The following PGAP4 variants were observed in gnomAD, a reference collection of about 807,000 sequenced individuals.
PGAP4 encodes the protein GPI-N-acetylgalactosamine transferase PGAP4.
Under a neutral mutation model 28.2 loss-of-function variants are expected in PGAP4, and 12 were observed. That is an observed-to-expected ratio of 0.42 (90% CI 0.27 to 0.69). The LOEUF (loss-of-function observed/expected upper bound fraction) is 0.69, where lower values mean the gene tolerates loss of function less well. Among genes scored for constraint, PGAP4 ranks in the 30% least tolerant of loss-of-function variants. PGAP4 has a pLI of 0.22. For missense variants in PGAP4, 425 were observed against 513.5 expected (o/e 0.83, Z 1.67); for synonymous variants, 205 against 211.8 (o/e 0.97, Z 0.28).
Position 101,473,344 on chromosome 9 carries a change from A to G in PGAP4, c.*2537T>C, listed in dbSNP as rs1826207943. ...TCCCTTGATATGGGAAGGATATCTT[A>G]GTTCTCCCTAGCCCCTTGCTTAGGA... On this transcript the variant is annotated 3_prime_UTR_variant, in exon 2 of 2. Coordinates refer to ENST00000374848, the MANE Select transcript of PGAP4 (RefSeq NM_032342.3). 1 of 152,216 alleles carries G rather than the reference A, an allele frequency of 6.6e-6. No homozygotes were observed. The highest frequency in any genetic ancestry group is 2.1e-4 in the South Asian group (1 of 4,838). The allele number at this position is 152,216 out of a possible 1,614,324, so 9.4% of individuals were successfully genotyped here.
At chr9:101,484,796 A>G (rs1198408994) in intron 1 of PGAP4, among the ~76,000 whole-genome samples, 1 of 152,216 alleles carries the variant, frequency 6.6e-6, no homozygotes, top group African/African-American at 2.4e-5. Flanking sequence ...CAGCTCAAGT[A>G]GACTAAGACC....
At chr9:101,496,431 C>G (rs932814942) in intron 2 of PGAP4, among the ~76,000 whole-genome samples, 11 of 151,332 alleles carry the variant, frequency 7.3e-5, no homozygotes, top group Non-Finnish European at 1.6e-4. Flanking sequence ...AAAATCAAAA[C>G]TTGTAATTTT....
chr9:101,500,371 A>T (rs75782991), intron 2 of PGAP4, among the ~76,000 whole-genome samples: 2 of 151,856 alleles, frequency 1.3e-5, no homozygotes, highest in African/African-American at 4.8e-5. Flanking sequence ...TCCTCGCATT[A>T]CTGTAACCTT....
At chr9:101,520,018 T>G (rs1826975800) in intron 2 of PGAP4, among the ~76,000 whole-genome samples, 1 of 152,192 alleles carries the variant, frequency 6.6e-6, no homozygotes, top group Non-Finnish European at 1.5e-5. Context: ...TTGTTGAAGA[T>G]AAGTTGACTG....
chr9:101,481,155 T>A (rs1929481), intron 1 of PGAP4, among the ~76,000 whole-genome samples: 21,103 of 152,192 alleles, frequency 0.14, 2,023 homozygotes, highest in African/African-American at 0.25. Context: ...TCCAGCCTGG[T>A]TGACAGAGAA....
chr9:101,533,659 G>A (rs1022369969), upstream of PGAP4: 1 of 152,284 alleles, frequency 6.6e-6, no homozygotes, highest in Admixed American at 6.5e-5. Context: ...CGAGGCCCGA[G>A]TACTCTTAGA....
At chr9:101,489,406 TA>T, upstream of PGAP4, among the ~76,000 whole-genome samples, 2 of 152,128 alleles carry the variant, frequency 1.3e-5, no homozygotes, top group South Asian at 4.2e-4. Context: ...TGGGTGAAAT[TA>T]AAGAAAACCA....
At chr9:101,501,128 T>A (rs1030255225) in intron 2 of PGAP4, among the ~76,000 whole-genome samples, 1 of 152,088 alleles carries the variant, frequency 6.6e-6, no homozygotes, top group Admixed American at 6.6e-5. Context: ...AAAGTCAACC[T>A]TTTCTCTCTC....
upstream of PGAP4, among the ~76,000 whole-genome samples, chr9:101,490,028 T>C (rs1057223281): frequency 6.6e-6 from 1 of 152,110 alleles, no homozygotes; most frequent in East Asian, 1.9e-4. Context: ...CCTACTTCTA[T>C]GGTTGGTCAT....
At chr9:101,508,860 T>C (rs528009947) in intron 2 of PGAP4, among the ~76,000 whole-genome samples, 12 of 152,292 alleles carry the variant, frequency 7.9e-5, no homozygotes, top group African/African-American at 2.6e-4. Flanking sequence ...CCGAAATGTG[T>C]TGCTTACATT....
At chr9:101,520,094 T>G (rs1323926304) in intron 2 of PGAP4, among the ~76,000 whole-genome samples, 1 of 152,246 alleles carries the variant, frequency 6.6e-6, no homozygotes, top group Non-Finnish European at 1.5e-5. Context: ...TTTGTACCAG[T>G]GCCGTGCTGT....
chr9:101,488,987 A>G (rs1210431319), upstream of PGAP4: 1 of 152,214 alleles, frequency 6.6e-6, no homozygotes, highest in African/African-American at 2.4e-5. Flanking sequence ...AGGTATTGAT[A>G]AATATTTTAA....
intron 1 of PGAP4, among the ~76,000 whole-genome samples, chr9:101,477,532 G>A (rs1471083393): frequency 3.3e-5 from 5 of 151,938 alleles, no homozygotes; most frequent in African/African-American, 2.4e-5. Context: ...TTCTTAAAAC[G>A]GGGGCAAAAA....
At chr9:101,480,056 A>G (rs572711418) in intron 1 of PGAP4, 2 of 152,278 alleles carry the variant, frequency 1.3e-5, no homozygotes, top group Admixed American at 1.3e-4. Flanking sequence ...CAATAGAAAA[A>G]AAAAAGGCAA....
At chr9:101,490,964 T>C (rs1826682550), upstream of PGAP4, among the ~76,000 whole-genome samples, 1 of 152,212 alleles carries the variant, frequency 6.6e-6, no homozygotes, top group South Asian at 2.1e-4. Flanking sequence ...TTCTTGAGGA[T>C]AGCACCTCAA....
chr9:101,498,600 G>GA (rs1826772115), intron 2 of PGAP4, among the ~76,000 whole-genome samples: 1 of 151,102 alleles, frequency 6.6e-6, no homozygotes, highest in African/African-American at 2.4e-5. Flanking sequence ...AAAGTAGGAA[G>GA]AAAAAAATAG....
At position 101,476,104 on chromosome 9, in the gene PGAP4, G is replaced by T; in HGVS notation, c.989C>A (p.Ser330Tyr). Reference protein sequence around the residue: ...SPSLYSVVPASQCCTPAMLFP... With the variant: ...SPSLYSVVPAYQCCTPAMLFP... The stretch of plus-strand genomic sequence containing the variant: ...GAGCATGGCTGGGGTGCAACACTGA[G>T]AGGCAGGAACCACACTGTACAGGGA... Residue 330 changes from serine (S) to tyrosine (Y), a missense_variant, in exon 2 of 2, where the codon TCT (serine) becomes TAT (tyrosine). By Grantham distance (144) the Ser-to-Tyr change is moderately radical. Transcript: ENST00000374848. This position sits in a 1 kb window ranked among gnomAD's most constrained non-coding sequence, Gnocchi z 7.0. 3 of 1,614,154 alleles carry T rather than the reference G, an allele frequency of 1.9e-6. No homozygotes were observed.
At chr9:101,524,120 C>T (rs1175133703) in intron 2 of PGAP4, among the ~76,000 whole-genome samples, 2 of 151,636 alleles carry the variant, frequency 1.3e-5, no homozygotes, top group African/African-American at 2.4e-5. Context: ...TGGACACTAG[C>T]GCCTTTTCTG....
intron 2 of PGAP4, among the ~76,000 whole-genome samples, chr9:101,496,884 G>A (rs1465213660): frequency 6.7e-6 from 1 of 150,236 alleles, no homozygotes; most frequent in African/African-American, 2.4e-5. Context: ...AATTTAACAT[G>A]ACCTTCAAAT....
Sources: gnomAD v4.1 joint callset for allele counts (sites outside exome capture counted in the v4.1 genomes callset) on GRCh38, gnomAD v4.1.1 for gene constraint, Gnocchi (gnomAD v3.1) non-coding constraint, MANE v1.5 for transcripts, NCBI Gene and HGNC (gene_info 2026-07-23, HGNC 2026-07-21) for gene names.